Variants in BACH2 observed in about 807,000 individuals in gnomAD.
BACH2 encodes the protein BACH transcriptional regulator 2.
Under a neutral mutation model 61.8 loss-of-function variants are expected in BACH2, and 5 were observed. The ratio of observed to expected loss-of-function variants is 0.08; its 90% CI spans 0.04 to 0.17. BACH2 has a LOEUF of 0.17. Among genes scored for constraint, BACH2 ranks in the 10% least tolerant of loss-of-function variants. BACH2 has a pLI of 1.00. For synonymous variants in BACH2, 446 were observed against 440.1 expected, an observed-to-expected ratio of 1.01 and a Z score of -0.17; for missense variants, 824 against 1,091.1, an observed-to-expected ratio of 0.76 and a Z score of 3.45.
At chr6:90,049,025 T>C (rs1400476090) in intron 5 of BACH2, among the ~76,000 whole-genome samples, 1 of 152,202 alleles carries the variant, frequency 6.6e-6, no homozygotes, top group African/African-American at 2.4e-5. Flanking sequence ...TTTGTTGTTA[T>C]ACAGAGAATC....
At chr6:90,082,739 C>T (rs1451997504) in intron 5 of BACH2, among the ~76,000 whole-genome samples, 2 of 152,034 alleles carry the variant, frequency 1.3e-5, no homozygotes, top group Non-Finnish European at 2.9e-5. Flanking sequence ...ATAAGGAAAA[C>T]AAAGCTACTT....
chr6:90,250,055 T>A (rs1201433690), intron 3 of BACH2, among the ~76,000 whole-genome samples: 1 of 152,196 alleles, frequency 6.6e-6, no homozygotes, highest in Non-Finnish European at 1.5e-5. Flanking sequence ...TAATGCACTC[T>A]CAGTGGAAAG....
intron 4 of BACH2, among the ~76,000 whole-genome samples, chr6:90,091,354 T>C (rs1156590284): frequency 6.6e-6 from 1 of 151,930 alleles, no homozygotes; most frequent in Non-Finnish European, 1.5e-5. Flanking sequence ...GAGGTAAGAG[T>C]GTTATATAAC....
chr6:90,257,779 A>G (rs1771028908), intron 2 of BACH2, among the ~76,000 whole-genome samples: 1 of 151,654 alleles, frequency 6.6e-6, no homozygotes, highest in African/African-American at 2.4e-5. Context: ...AGTCCCATTT[A>G]TTTATTTTAT....
chr6:89,989,997 T>A (rs1421829262), intron 6 of BACH2, among the ~76,000 whole-genome samples: 2 of 152,198 alleles, frequency 1.3e-5, no homozygotes, highest in Admixed American at 1.3e-4. Flanking sequence ...TTTAGTCACA[T>A]GTCAGAGGGA....
intron 4 of BACH2, among the ~76,000 whole-genome samples, chr6:90,156,943 T>C (rs1467978422): frequency 6.6e-6 from 1 of 152,178 alleles, no homozygotes; most frequent in Non-Finnish European, 1.5e-5. Context: ...GGATGGTAGC[T>C]GGGGAGATGA....
At position 90,203,871 on chromosome 6, in the gene BACH2, C is replaced by T. The variant is rs558484546; in HGVS notation, c.-162+2698G>A. 1.3e-5 allele frequency among the ~76,000 whole-genome samples: 2 copies of T among 152,226 alleles called. 1 individual carries two copies. The highest frequency in any genetic ancestry group is 4.1e-4 in the South Asian group (2 of 4,822). ...CAAAGTACACCCCTTTCTGGTGTTT[C>T]CTCAGACCCTGGCACAGATAGGAGT... is the stretch of plus-strand genomic sequence containing the variant. On this transcript the variant is annotated intron_variant, in intron 4 of 8. Transcript: ENST00000257749.
intron 1 of BACH2, among the ~76,000 whole-genome samples, chr6:90,295,920 T>A: frequency 6.6e-6 from 1 of 152,208 alleles, no homozygotes. Flanking sequence ...CGGCGGCGGC[T>A]GACAGCTGAG....
chr6:90,110,489 T>C (rs1467052351), intron 4 of BACH2, among the ~76,000 whole-genome samples: 1 of 152,238 alleles, frequency 6.6e-6, no homozygotes, highest in African/African-American at 2.4e-5. Context: ...CATGATCCAA[T>C]ACCAAATTCT....
intron 6 of BACH2, among the ~76,000 whole-genome samples, chr6:89,990,022 T>A (rs998177738): frequency 1.3e-5 from 2 of 152,104 alleles, no homozygotes; most frequent in Admixed American, 6.5e-5. Flanking sequence ...TGGCAAAAAA[T>A]GTCTGGGAAC....
At chr6:90,132,148 T>A (rs965636608) in intron 4 of BACH2, among the ~76,000 whole-genome samples, 1 of 152,200 alleles carries the variant, frequency 6.6e-6, no homozygotes, top group African/African-American at 2.4e-5. Context: ...GGAAGCTATC[T>A]AAGTCCTAGA....
rs1773985776 is a variant in BACH2 at position 89,950,106 on chromosome 6, TCAC to T, written c.1836+161_1836+163del. 1.3e-6 allele frequency: 1 copy of T among 788,560 alleles called. No individual in the cohort carries two copies. The highest frequency in any genetic ancestry group is 1.7e-5 in the African/African-American group (1 of 58,918). The allele number at this position is 788,560 out of a possible 1,614,324, so 48.8% of individuals were successfully genotyped here. On this transcript the variant is annotated intron_variant, in intron 7 of 8. Coordinates refer to ENST00000257749, the MANE Select transcript of BACH2 (RefSeq NM_021813.4). The surrounding 1 kb of genome is among the most constrained non-coding windows in gnomAD (Gnocchi z 5.3). Reference sequence around the variant, plus strand: ...TAGGACAGAAGTGGTTAATGTGGAATCACCTTCAGCATCCTGCCTCTGTGGATG... The same window carrying T: ...TAGGACAGAAGTGGTTAATGTGGAATCTTCAGCATCCTGCCTCTGTGGATG...
At chr6:90,010,616 G>A (rs2127781356) in intron 5 of BACH2, among the ~76,000 whole-genome samples, 1 of 152,256 alleles carries the variant, frequency 6.6e-6, no homozygotes, top group African/African-American at 2.4e-5. Flanking sequence ...AAATACCTGT[G>A]AGTAGAATGT....
At chr6:90,256,271 T>C (rs1434797799) in intron 2 of BACH2, among the ~76,000 whole-genome samples, 2 of 152,232 alleles carry the variant, frequency 1.3e-5, no homozygotes, top group African/African-American at 4.8e-5. Flanking sequence ...TTGCAGCTAG[T>C]TGGTGACATG....
chr6:89,987,748 C>A (rs1026457914), intron 6 of BACH2, among the ~76,000 whole-genome samples: 1 of 151,896 alleles, frequency 6.6e-6, no homozygotes, highest in African/African-American at 2.4e-5. Context: ...GGTACCTATG[C>A]CATTATTATA....
chr6:90,155,405 A>C (rs1226449672), intron 4 of BACH2, among the ~76,000 whole-genome samples: 1 of 152,238 alleles, frequency 6.6e-6, no homozygotes, highest in East Asian at 1.9e-4. Flanking sequence ...TCATTTTTGG[A>C]AAAGGAAACT....
At chr6:90,199,492 C>T (rs1456017975) in intron 4 of BACH2, among the ~76,000 whole-genome samples, 2 of 152,174 alleles carry the variant, frequency 1.3e-5, no homozygotes, top group East Asian at 3.8e-4. Flanking sequence ...TTAAATTTAT[C>T]TTATCTCTCT....
intron 4 of BACH2, among the ~76,000 whole-genome samples, chr6:90,115,865 C>A (rs1047155028): frequency 1.3e-5 from 2 of 151,894 alleles, no homozygotes; most frequent in East Asian, 3.9e-4. Context: ...GCAAAGGACA[C>A]GAACAAACAC....
intron 4 of BACH2, chr6:90,116,949 CT>C: frequency 2.5e-6 from 1 of 401,500 alleles, no homozygotes; most frequent in Non-Finnish European, 4.7e-6. Flanking sequence ...GCAGCTTCAA[CT>C]TCCCTCTGTG....
Sources: allele counts gnomAD v4.1 joint callset (sites outside exome capture counted in the v4.1 genomes callset), GRCh38; gene constraint gnomAD v4.1.1; non-coding constraint Gnocchi (gnomAD v3.1); transcripts MANE v1.5; gene names NCBI Gene and HGNC (gene_info 2026-07-23, HGNC 2026-07-21).